The following NUP107 variants were observed in gnomAD, a reference collection of about 807,000 sequenced individuals.
NUP107 encodes nucleoporin 107, also known as nuclear pore complex protein Nup107.
In NUP107, 101 loss-of-function variants were observed where a neutral mutation model predicts 141.0. That is an observed-to-expected ratio of 0.72 (90% CI 0.61 to 0.84). The LOEUF is 0.84. Ranked by LOEUF, NUP107 falls within the 40% of genes least tolerant of loss-of-function variation. The pLI, the probability that NUP107 is intolerant of heterozygous loss-of-function variation, is 0.00. For missense variants in NUP107, 941 were observed against 1,102.7 expected, an observed-to-expected ratio of 0.85 and a Z score of 2.08; for synonymous variants, 319 against 363.9, an observed-to-expected ratio of 0.88 and a Z score of 1.41.
At chr12:68,706,559 G>C (rs1456462508) in intron 8 of NUP107, 1 of 680,778 alleles carries the variant, frequency 1.5e-6, no homozygotes, top group African/African-American at 1.8e-5. Flanking sequence ...TCTCCAAGAT[G>C]AACAGGAACA....
At chr12:68,721,033 A>T (rs1473320519) in intron 14 of NUP107, 85 bp from the exon 15 acceptor site, 1 of 826,204 alleles carries the variant, frequency 1.2e-6, no homozygotes, top group Non-Finnish European at 2.0e-6. Flanking sequence ...AGTCTAGAAG[A>T]GTTTGCAAGA....
chr12:68,690,865 AAGTCAGG>A (rs1407000143), intron 4 of NUP107, 119 bp downstream of exon 4: 1 of 944,344 alleles, frequency 1.1e-6, no homozygotes, highest in Non-Finnish European at 1.6e-6. Context: ...GGCCTCCCAG[AAGTCAGG>A]AGTTTGAGAC....
At chr12:68,708,403 C>T (rs1020423512) in intron 8 of NUP107, among the ~76,000 whole-genome samples, 10 of 152,100 alleles carry the variant, frequency 6.6e-5, no homozygotes, top group African/African-American at 2.4e-4. Context: ...TTGACCCATT[C>T]TTGAACTGGT....
At chr12:68,702,647 C>A in intron 7 of NUP107, 89 bp from the exon 8 acceptor site, 1 of 855,696 alleles carries the variant, frequency 1.2e-6, no homozygotes, top group South Asian at 1.7e-5. Context: ...AAGAAGTTAG[C>A]CAAATTTTCC....
rs755930919 is a variant in NUP107 at position 68,725,775 on chromosome 12, C to G, written c.1555C>G (p.Leu519Val). The change falls in exon 18 of 28, where the codon CTT becomes GTT. Residue 519 changes from leucine (L) to valine (V), a missense_variant. Physicochemically the swap from Leu to Val is conservative, Grantham distance 32 (BLOSUM62 1). Coordinates refer to ENST00000229179, the MANE Select transcript of NUP107 (RefSeq NM_020401.4). The part of the protein sequence containing the change: ...QEHYHIVQKF[L>V]ILGDIDGLMD... ...ACATTATCATATAGTTCAAAAGTTT[C>G]TTATCCTGGGAGACATTGATGGTAA... The G allele has an allele frequency of 2.0e-6, 3 of 1,516,826 alleles. No individual in the cohort carries two copies. Among genetic ancestry groups the G allele is most frequent in the South Asian group, 1.2e-5 (1 of 82,614 alleles). 94.0% of individuals were successfully genotyped at this position (1,516,826 alleles called of 1,614,324 possible).
chr12:68,741,682 A>T (rs529571113), intron 26 of NUP107, 131 bp from the exon 27 acceptor site: 30 of 688,790 alleles, frequency 4.4e-5, no homozygotes, highest in Admixed American at 3.6e-4. Flanking sequence ...TACGTTGTTC[A>T]TCTTCATACT....
intron 5 of NUP107, among the ~76,000 whole-genome samples, chr12:68,693,725 G>A (rs540479499): frequency 5.3e-5 from 8 of 152,234 alleles, no homozygotes; most frequent in Admixed American, 5.2e-4. Flanking sequence ...CCTCACCTTG[G>A]TTCTCAGTCT....
intron 17 of NUP107, among the ~76,000 whole-genome samples, chr12:68,722,740 T>C (rs1191808436): frequency 6.6e-6 from 1 of 152,224 alleles, no homozygotes; most frequent in African/African-American, 2.4e-5. Context: ...CTTGATTTTT[T>C]TCATTTAATG....
chr12:68,726,872 G>C (rs1877590159), intron 19 of NUP107, among the ~76,000 whole-genome samples: 1 of 152,168 alleles, frequency 6.6e-6, no homozygotes, highest in Admixed American at 6.5e-5. Context: ...TCTGTACCCA[G>C]CTTTAAATCA....
Position 68,700,830 on chromosome 12 carries a change from G to T in NUP107, c.657G>T (p.Trp219Cys). Residue 219 changes from tryptophan to cysteine, a missense_variant, in exon 7 of 28, where the codon TGG becomes TGT. Transcript: ENST00000229179. ...TTCTTCAACAGGAGATGGTCACATG[G>T]AGGCTGCTGGCTTCTTTGTATAGGT... Reference protein sequence around the residue: ...LWLLQQEMVTWRLLASLYRDR... With the variant: ...LWLLQQEMVTCRLLASLYRDR... 2 of 1,601,492 alleles carry T rather than the reference G, an allele frequency of 1.2e-6. No homozygotes were observed. The highest frequency in any genetic ancestry group is 2.2e-5 in the East Asian group (1 of 44,600).
Position 68,727,345 on chromosome 12 carries a change from A to G in NUP107, c.1696-6A>G, listed in dbSNP as rs974857391. 1.2e-5 allele frequency: 17 copies of G among 1,455,744 alleles called. No individual in the cohort carries two copies. The highest frequency in any genetic ancestry group is 2.8e-5 in the African/African-American group (2 of 71,318). 90.2% of individuals were successfully genotyped at this position (1,455,744 alleles called of 1,614,324 possible). A position where few individuals can be genotyped will look rare whatever the true frequency, so the allele number is the denominator to read the frequency against. On this transcript the variant is annotated splice_region_variant and splice_polypyrimidine_tract_variant and intron_variant, in intron 19 of 27. Coordinates refer to ENST00000229179, the MANE Select transcript of NUP107 (RefSeq NM_020401.4). ...ATTTATAATTATGTCTTTTTTTCCT[A>G]TGAAGGAGGAAGTTTCTATTGAAGT...
In NUP107 at chr12:68,719,388, A is replaced by C; in HGVS notation, c.1131A>C (p.Thr377=). The C allele has an allele frequency of 1.2e-6, 2 of 1,614,186 alleles. No homozygotes were observed. Among genetic ancestry groups the C allele is most frequent in the Non-Finnish European group, 1.7e-6 (2 of 1,180,026 alleles). The change falls in exon 13 of 28, where the codon ACA becomes ACC. Residue 377 remains threonine (T), a synonymous_variant. Coordinates refer to ENST00000229179, the MANE Select transcript of NUP107 (RefSeq NM_020401.4). ...KRCGQAWRAA[T]LEGWKLYHDP... ...GTGGTCAAGCATGGAGAGCTGCAAC[A>C]CTTGAAGGCTGGAAACTGTACCATG... is the stretch of plus-strand genomic sequence containing the variant.
chr12:68,736,717 C>CTTTTTTTTTT lies in NUP107; in HGVS notation c.2502+1386_2502+1395dup, dbSNP rs10713889. Among the ~76,000 whole-genome samples, 503 of 105,854 alleles carry CTTTTTTTTTT rather than the reference C, an allele frequency of 4.8e-3. 9 individuals carry two copies. Among genetic ancestry groups the CTTTTTTTTTT allele is most frequent in the Non-Finnish European group, 7.2e-3 (392 of 54,280 alleles). The allele number at this position is 105,854 out of a possible 152,430, so 69.4% of individuals were successfully genotyped here. ...CAGGCATGAGTCAATGTGTCGCCAC[C>CTTTTTTTTTT]TTTTTTTTTTTTTTTTTTTTTTGAG... On this transcript the variant is annotated intron_variant, in intron 26 of 27. Transcript: ENST00000229179.
intron 22 of NUP107, 135 bp from the exon 23 acceptor site, chr12:68,732,502 C>T: frequency 2.0e-6 from 1 of 507,058 alleles, no homozygotes; most frequent in Admixed American, 3.4e-5. Context: ...TAGATGCTTT[C>T]ATAATTTTGT....
At position 68,710,088 on chromosome 12, in the gene NUP107, A is replaced by G. The variant is rs375091871; in HGVS notation, c.885A>G (p.Val295=). The change falls in exon 10 of 28, where the codon GTA becomes GTG. Residue 295 remains valine (V), a synonymous_variant. Coordinates refer to ENST00000229179, the MANE Select transcript of NUP107 (RefSeq NM_020401.4). ...SDNIEFYAKS[V]YWENTLHTLK... Reference sequence around the variant, plus strand: ...ATATTGAGTTTTATGCAAAATCAGTATATTGGTAAGTTACCAAACTTTAAT... The same window carrying G: ...ATATTGAGTTTTATGCAAAATCAGTGTATTGGTAAGTTACCAAACTTTAAT... 16 of 1,501,314 alleles carry G rather than the reference A, an allele frequency of 1.1e-5. No homozygotes were observed. The highest frequency in any genetic ancestry group is 2.0e-4 in the Middle Eastern group (1 of 5,018). 93.0% of individuals were successfully genotyped at this position (1,501,314 alleles called of 1,614,324 possible). A position where few individuals can be genotyped will look rare whatever the true frequency, so the allele number is the denominator to read the frequency against.
At chr12:68,725,221 A>T (rs1265071914) in intron 17 of NUP107, among the ~76,000 whole-genome samples, 1 of 152,228 alleles carries the variant, frequency 6.6e-6, no homozygotes, top group Non-Finnish European at 1.5e-5. Flanking sequence ...TTCTTCAAAA[A>T]ATCAAGCTGC....
At chr12:68,707,457 C>T (rs896333886) in intron 8 of NUP107, among the ~76,000 whole-genome samples, 12 of 152,082 alleles carry the variant, frequency 7.9e-5, no homozygotes, top group African/African-American at 1.4e-4. Flanking sequence ...CAAACTTAGC[C>T]GGGCATGGTG....
chr12:68,739,093 G>A (rs562624625), intron 26 of NUP107, among the ~76,000 whole-genome samples: 4 of 151,992 alleles, frequency 2.6e-5, no homozygotes, highest in Non-Finnish European at 4.4e-5. Flanking sequence ...ATAGGTGCAT[G>A]GATGACTTTG....
At chr12:68,734,493 TG>T (rs1877978591) in intron 24 of NUP107, among the ~76,000 whole-genome samples, 1 of 152,124 alleles carries the variant, frequency 6.6e-6, no homozygotes, top group African/African-American at 2.4e-5. Flanking sequence ...TTGGAGAATA[TG>T]CCAGAAAACA....
Sources: gnomAD v4.1 joint callset for allele counts (sites outside exome capture counted in the v4.1 genomes callset) on GRCh38, gnomAD v4.1.1 for gene constraint, MANE v1.5 for transcripts, NCBI Gene and HGNC (gene_info 2026-07-23, HGNC 2026-07-21) for gene names.